Variants in PIP4K2A observed in about 807,000 individuals in gnomAD.
The protein encoded by PIP4K2A is phosphatidylinositol 5-phosphate 4-kinase type-2 alpha.
Under a neutral mutation model 42.9 loss-of-function variants are expected in PIP4K2A, and 14 were observed. That is an observed-to-expected ratio of 0.33 (90% CI 0.22 to 0.51). The LOEUF (loss-of-function observed/expected upper bound fraction) is 0.51, where lower values mean the gene tolerates loss of function less well. PIP4K2A is among the 20% of genes least tolerant of loss of function. PIP4K2A has a pLI of 0.97. For missense variants in PIP4K2A, 434 were observed against 519.8 expected (o/e 0.83, Z 1.61); for synonymous variants, 192 against 192.2 (o/e 1.00, Z 0.01).
Position 22,714,335 on chromosome 10 carries a change from C to G in PIP4K2A, c.-9G>C. The G allele has an allele frequency of 6.3e-7, 1 of 1,590,668 alleles. No individual in the cohort carries two copies. On this transcript the variant is annotated 5_prime_UTR_variant, in exon 1 of 10. Coordinates refer to ENST00000376573, the MANE Select transcript of PIP4K2A (RefSeq NM_005028.5). Reference sequence around the variant, plus strand: ...TTGCCGGGGGTCGCCATGGCCGCCTCCTATGTCCCCTCCACCGCCGTGCTC... The same window carrying G: ...TTGCCGGGGGTCGCCATGGCCGCCTGCTATGTCCCCTCCACCGCCGTGCTC...
Position 22,559,661 on chromosome 10 carries a change from C to A in PIP4K2A, c.678+8190G>T, listed in dbSNP as rs549081789. On this transcript the variant is annotated intron_variant, in intron 6 of 9. Transcript: ENST00000376573. Reference sequence around the variant, plus strand: ...TTGCTGAACAGAACATTTTTTTCCCCATCAATCATAGCAATCACCTTAATC... The same window carrying A: ...TTGCTGAACAGAACATTTTTTTCCCAATCAATCATAGCAATCACCTTAATC... Among the ~76,000 whole-genome samples the A allele has an allele frequency of 1.4e-4, 22 of 152,122 alleles. 1 individual carries two copies. Among genetic ancestry groups the A allele is most frequent in the African/African-American group, 5.3e-4 (22 of 41,506 alleles).
intron 1 of PIP4K2A, among the ~76,000 whole-genome samples, chr10:22,619,558 T>C (rs1011356756): frequency 6.6e-6 from 1 of 151,662 alleles, no homozygotes; most frequent in Non-Finnish European, 1.5e-5. Context: ...TGTCTCAGCC[T>C]CCCGAGTAGC....
rs1194874535 is a variant in PIP4K2A, at chr10:22,591,715, T to G, written c.406A>C (p.Thr136Pro). 1 of 1,613,492 alleles carries G rather than the reference T, an allele frequency of 6.2e-7. No individual in the cohort carries two copies. The highest frequency in any genetic ancestry group is 1.7e-5 in the Admixed American group (1 of 59,964). ...ATGATGTATCTTTTGTCGTAGGAAGTGTGAAAACGAGCTCCACTGCGGGCC... is the reference window on the plus strand; with the variant it reads ...ATGATGTATCTTTTGTCGTAGGAAGGGTGAAAACGAGCTCCACTGCGGGCC... ...SQARSGARFH[T>P]SYDKRYIIKT... is the part of the protein sequence containing the mutation. The change falls in exon 4 of 10, where the codon ACT (threonine) becomes CCT (proline). Residue 136 changes from threonine (T) to proline (P), a missense_variant. By Grantham distance (38) the Thr-to-Pro change is conservative. Coordinates refer to ENST00000376573, the MANE Select transcript of PIP4K2A (RefSeq NM_005028.5).
chr10:22,539,231 C>T (rs531343658), intron 9 of PIP4K2A, among the ~76,000 whole-genome samples: 3 of 152,326 alleles, frequency 2.0e-5, no homozygotes, highest in Admixed American at 2.0e-4. Flanking sequence ...ATCTCTGCCA[C>T]TTGCTACTAT....
intron 1 of PIP4K2A, among the ~76,000 whole-genome samples, chr10:22,636,048 C>T (rs1006996487): frequency 1.3e-5 from 2 of 151,978 alleles, no homozygotes; most frequent in Admixed American, 6.6e-5. Context: ...TTAGGAAAAG[C>T]GTAGCTATAG....
At chr10:22,627,921 C>T (rs1426906470) in intron 1 of PIP4K2A, among the ~76,000 whole-genome samples, 1 of 152,206 alleles carries the variant, frequency 6.6e-6, no homozygotes, top group Non-Finnish European at 1.5e-5. Context: ...TTATTCCCTA[C>T]AATATTACAG....
In PIP4K2A at chr10:22,536,422, T is replaced by C. The variant is rs1835920132; in HGVS notation, c.*779A>G. 3.8e-6 allele frequency: 1 copy of C among 263,520 alleles called. No homozygotes were observed. The highest frequency in any genetic ancestry group is 6.3e-5 in the East Asian group (1 of 15,820). 16.3% of individuals were successfully genotyped at this position (263,520 alleles called of 1,614,324 possible). On this transcript the variant is annotated 3_prime_UTR_variant, in exon 10 of 10. Transcript: ENST00000376573. The stretch of plus-strand genomic sequence containing the variant: ...GACATATTGGCCGAGGTGAAAAATG[T>C]ATAGAGAATCACTGGGGCATCAGCT...
At chr10:22,606,894 A>AT (rs1268628540) in intron 3 of PIP4K2A, among the ~76,000 whole-genome samples, 1 of 152,232 alleles carries the variant, frequency 6.6e-6, no homozygotes, top group Non-Finnish European at 1.5e-5. Flanking sequence ...AGATAATGAG[A>AT]TATCTTGGGG....
rs1477273765 is a variant in PIP4K2A at position 22,703,831 on chromosome 10, GA to G, written c.144+10351del. Among the ~76,000 whole-genome samples, 18 of 152,230 alleles carry G rather than the reference GA, an allele frequency of 1.2e-4. No individual in the cohort carries two copies. In the East Asian group the frequency reaches 3.5e-3, roughly 29 times the overall value. On this transcript the variant is annotated intron_variant, in intron 1 of 9. Transcript: ENST00000376573. Reference sequence around the variant, plus strand: ...TCAAATAGAAAGCATGTGGATTCGGGACTCAAAAATTGGATGTGGAGAAGGA... The same window carrying G: ...TCAAATAGAAAGCATGTGGATTCGGGCTCAAAAATTGGATGTGGAGAAGGA...
intron 1 of PIP4K2A, among the ~76,000 whole-genome samples, chr10:22,705,924 G>A (rs916759265): frequency 6.6e-6 from 1 of 151,938 alleles, no homozygotes; most frequent in African/African-American, 2.4e-5. Context: ...CAGGGCTGGG[G>A]AGACCTCAAG....
intron 5 of PIP4K2A, among the ~76,000 whole-genome samples, chr10:22,569,566 T>C (rs1836932077): frequency 6.6e-6 from 1 of 152,204 alleles, no homozygotes; most frequent in Non-Finnish European, 1.5e-5. Context: ...ATGGGACATT[T>C]GTAATACTTG....
intron 1 of PIP4K2A, among the ~76,000 whole-genome samples, chr10:22,618,052 G>A (rs56272618): frequency 4.5e-4 from 69 of 152,202 alleles, no homozygotes; most frequent in African/African-American, 1.6e-3. Flanking sequence ...ATTTCATAGG[G>A]AAATCAAACA....
chr10:22,635,220 G>A (rs959357841), intron 1 of PIP4K2A, among the ~76,000 whole-genome samples: 4 of 152,140 alleles, frequency 2.6e-5, no homozygotes, highest in Admixed American at 1.3e-4. Context: ...AACACAGAGA[G>A]AACCCTAATG....
At chr10:22,631,180 C>G (rs1356956088) in intron 1 of PIP4K2A, among the ~76,000 whole-genome samples, 1 of 152,086 alleles carries the variant, frequency 6.6e-6, no homozygotes, top group Non-Finnish European at 1.5e-5. Flanking sequence ...TTTTAATAAC[C>G]TTTTTGTAAA....
chr10:22,678,561 T>C (rs950801853), intron 1 of PIP4K2A, among the ~76,000 whole-genome samples: 2 of 152,200 alleles, frequency 1.3e-5, no homozygotes, highest in African/African-American at 4.8e-5. Flanking sequence ...AGCAACAGAA[T>C]GTGAAGGCAA....
At chr10:22,594,199 G>A (rs1006784969) in intron 3 of PIP4K2A, among the ~76,000 whole-genome samples, 15 of 152,158 alleles carry the variant, frequency 9.9e-5, no homozygotes, top group African/African-American at 3.4e-4. Flanking sequence ...CATGCAGCAC[G>A]TAAAGTCTAG....
chr10:22,697,181 A>C (rs1169963092), intron 1 of PIP4K2A, among the ~76,000 whole-genome samples: 4 of 152,148 alleles, frequency 2.6e-5, no homozygotes, highest in African/African-American at 9.7e-5. Flanking sequence ...GTAAAAATTA[A>C]AATTGCATTG....
intron 1 of PIP4K2A, among the ~76,000 whole-genome samples, chr10:22,701,921 C>T (rs1165519974): frequency 6.6e-6 from 1 of 152,140 alleles, no homozygotes; most frequent in Non-Finnish European, 1.5e-5. Context: ...GGTGTGAAGT[C>T]TAATAGGAAA....
intron 1 of PIP4K2A, among the ~76,000 whole-genome samples, chr10:22,613,590 G>A (rs1374959574): frequency 6.6e-6 from 1 of 152,186 alleles, no homozygotes; most frequent in Non-Finnish European, 1.5e-5. Context: ...GAAGCAGGCT[G>A]AGGACTTCAA....
Sources: gnomAD v4.1 joint callset for allele counts (sites outside exome capture counted in the v4.1 genomes callset) on GRCh38, gnomAD v4.1.1 for gene constraint, MANE v1.5 for transcripts, NCBI Gene and HGNC (gene_info 2026-07-23, HGNC 2026-07-21) for gene names.